Variants in PRKD1 observed in about 807,000 individuals in gnomAD.
PRKD1 encodes protein kinase D1, also known as serine/threonine-protein kinase D1.
In PRKD1, 63 loss-of-function variants were observed where a neutral mutation model predicts 95.9. That is an observed-to-expected ratio of 0.66 (90% CI 0.54 to 0.81). PRKD1 has a LOEUF of 0.81. PRKD1 is among the 30% of genes least tolerant of loss of function. The pLI is 0.00. For missense variants in PRKD1, 1,048 were observed against 1,165.3 expected (o/e 0.90, Z 1.47); for synonymous variants, 425 against 423.1 (o/e 1.00, Z -0.05).
At chr14:29,649,432 A>ATT (rs60947711) in intron 4 of PRKD1, among the ~76,000 whole-genome samples, 5 of 137,076 alleles carry the variant, frequency 3.6e-5, no homozygotes, top group African/African-American at 8.0e-5. Context: ...AGTTTTTCTA[A>ATT]TTTTTTTTTT....
At chr14:29,845,972 A>G (rs951493231) in intron 1 of PRKD1, among the ~76,000 whole-genome samples, 3 of 152,188 alleles carry the variant, frequency 2.0e-5, no homozygotes, top group Non-Finnish European at 2.9e-5. Flanking sequence ...CATATTAAAT[A>G]CAGGCATCAA....
chr14:29,577,255 G>T lies in PRKD1; in HGVS notation c.2722C>A (p.Arg908Ser). 1.2e-6 allele frequency: 2 copies of T among 1,612,974 alleles called. No individual in the cohort carries two copies. Among genetic ancestry groups the T allele is most frequent in the Middle Eastern group, 1.7e-4 (1 of 5,864 alleles). The change falls in exon 18 of 18, where the codon CGT (arginine) becomes AGT (serine). Residue 908 changes from arginine (R) to serine (S), a missense_variant. Arg to Ser is a moderately radical substitution (Grantham distance 110, BLOSUM62 -1). Around this residue, in one of 3 missense-constraint regions of PRKD1, gnomAD observed 739 missense variants for 861.9 expected, o/e 0.86. Coordinates refer to ENST00000331968, the MANE Select transcript of PRKD1 (RefSeq NM_002742.3). ...EETEMKALGE[R>S]VSIL ...GATGGAACTCAGAGGATGCTGACAC[G>T]CTCACCGAGGGCTTTCATTTCTGTT... is the stretch of plus-strand genomic sequence containing the variant.
intron 1 of PRKD1, among the ~76,000 whole-genome samples, chr14:29,835,269 T>A (rs566920489): frequency 6.6e-6 from 1 of 152,190 alleles, no homozygotes; most frequent in African/African-American, 2.4e-5. Flanking sequence ...TGGACACAAA[T>A]AATAATTTGC....
intron 4 of PRKD1, among the ~76,000 whole-genome samples, chr14:29,642,449 A>T (rs1306220223): frequency 6.6e-6 from 1 of 152,212 alleles, no homozygotes; most frequent in East Asian, 1.9e-4. Context: ...TTTAAAGGAA[A>T]TGATACTTTT....
chr14:29,783,659 G>A (rs2139174845), intron 1 of PRKD1, among the ~76,000 whole-genome samples: 2 of 151,900 alleles, frequency 1.3e-5, no homozygotes, highest in Admixed American at 1.3e-4. Context: ...TTGCCAGCAC[G>A]CTATTTTTTT....
At chr14:29,578,650 ACTTT>A (rs1225399768) in intron 16 of PRKD1, among the ~76,000 whole-genome samples, 2 of 151,692 alleles carry the variant, frequency 1.3e-5, no homozygotes, top group South Asian at 2.1e-4. Flanking sequence ...ACTCTTTAAC[ACTTT>A]CTTTAATTTA....
chr14:29,844,695 C>T (rs904038051), intron 1 of PRKD1, among the ~76,000 whole-genome samples: 3 of 152,096 alleles, frequency 2.0e-5, no homozygotes, highest in Non-Finnish European at 4.4e-5. Context: ...TGATCGATAA[C>T]CTGCAAATAA....
chr14:29,643,647 G>C (rs182789628), intron 4 of PRKD1, among the ~76,000 whole-genome samples: 9 of 152,246 alleles, frequency 5.9e-5, no homozygotes, highest in Admixed American at 5.9e-4. Flanking sequence ...ACATTTAATA[G>C]GACTGAAATA....
At chr14:29,821,567 C>A (rs11156617) in intron 1 of PRKD1, among the ~76,000 whole-genome samples, 2,708 of 152,134 alleles carry the variant, frequency 0.018, 74 homozygotes, top group African/African-American at 0.062. Context: ...CACACTGAAT[C>A]GCAAAATTAA....
At chr14:29,842,523 T>A (rs1423735903) in intron 1 of PRKD1, among the ~76,000 whole-genome samples, 6 of 152,240 alleles carry the variant, frequency 3.9e-5, no homozygotes, top group African/African-American at 1.4e-4. Context: ...AACATCATTA[T>A]GCAGTGCATG....
intron 9 of PRKD1, among the ~76,000 whole-genome samples, chr14:29,632,211 T>A (rs926492455): frequency 6.6e-5 from 10 of 152,216 alleles, no homozygotes; most frequent in Non-Finnish European, 1.5e-4. Flanking sequence ...AAAGTTTTAA[T>A]TTTAAAATTA....
intron 4 of PRKD1, among the ~76,000 whole-genome samples, chr14:29,648,769 C>G (rs1881304704): frequency 6.6e-6 from 1 of 152,148 alleles, no homozygotes; most frequent in Non-Finnish European, 1.5e-5. Context: ...ATTCTCCTAC[C>G]TCAGCCTCCT....
intron 1 of PRKD1, among the ~76,000 whole-genome samples, chr14:29,791,182 T>G (rs1889530061): frequency 6.6e-6 from 1 of 152,216 alleles, no homozygotes; most frequent in African/African-American, 2.4e-5. Flanking sequence ...ATTTTTTCCT[T>G]GTAGGGAAAG....
In PRKD1 at chr14:29,634,437, T is replaced by A; in HGVS notation, c.1295A>T (p.Tyr432Phe). ...TCTTACCAGCGTGTCCTTGCTGGTG[T>A]AGTGGACCATCCATCCTTCTTTCAT... ...TVMKEGWMVH[Y>F]TSKDTLRKRH... is the part of the protein sequence containing the mutation. The change falls in exon 8 of 18, where the codon TAC becomes TTC. Residue 432 changes from tyrosine to phenylalanine, a missense_variant. Coordinates refer to ENST00000331968, the MANE Select transcript of PRKD1 (RefSeq NM_002742.3). 2 of 1,614,070 alleles carry A rather than the reference T, an allele frequency of 1.2e-6. No individual in the cohort carries two copies. Among genetic ancestry groups the A allele is most frequent in the South Asian group, 2.2e-5 (2 of 91,084 alleles).
intron 2 of PRKD1, among the ~76,000 whole-genome samples, chr14:29,714,180 G>C (rs1183068731): frequency 3.3e-5 from 5 of 152,118 alleles, no homozygotes; most frequent in Non-Finnish European, 7.4e-5. Flanking sequence ...TCATAAAATA[G>C]AGCTGTTTGG....
chr14:29,844,450 GGT>G (rs1283939930), intron 1 of PRKD1, among the ~76,000 whole-genome samples: 1 of 152,028 alleles, frequency 6.6e-6, no homozygotes, highest in Non-Finnish European at 1.5e-5. Flanking sequence ...AACAAATTAT[GGT>G]ACATACCCAT....
chr14:29,841,652 A>C (rs2139317621), intron 1 of PRKD1, among the ~76,000 whole-genome samples: 1 of 152,302 alleles, frequency 6.6e-6, no homozygotes, highest in Non-Finnish European at 1.5e-5. Flanking sequence ...CTATAAGTCC[A>C]TTAAACCTCT....
intron 2 of PRKD1, among the ~76,000 whole-genome samples, chr14:29,672,290 G>T (rs867762510): frequency 1.3e-5 from 2 of 151,644 alleles, no homozygotes; most frequent in South Asian, 4.2e-4. Flanking sequence ...GCAGTGAGCC[G>T]AGATCGTGCC....
intron 2 of PRKD1, among the ~76,000 whole-genome samples, chr14:29,721,152 C>T (rs1246957959): frequency 2.0e-5 from 3 of 152,172 alleles, no homozygotes; most frequent in African/African-American, 4.8e-5. Flanking sequence ...AATAGGCCCA[C>T]GCCTCTTCTG....
Sources: allele counts gnomAD v4.1 joint callset (sites outside exome capture counted in the v4.1 genomes callset), GRCh38; gene constraint gnomAD v4.1.1; regional missense constraint gnomAD v4.1.1; transcripts MANE v1.5; gene names NCBI Gene and HGNC (gene_info 2026-07-23, HGNC 2026-07-21).